WDR88: variants seen among roughly 807,000 people sequenced by gnomAD.
The protein encoded by WDR88 is WD repeat-containing protein 88.
Under a neutral mutation model 46.8 loss-of-function variants are expected in WDR88, and 40 were observed. The observed-to-expected ratio is 0.86, with a 90% CI of 0.66 to 1.11. The LOEUF (loss-of-function observed/expected upper bound fraction) is 1.11, where lower values mean the gene tolerates loss of function less well. Among genes scored for constraint, WDR88 ranks in the 50% most tolerant of loss-of-function variants. WDR88 has a pLI of 0.00. For missense variants in WDR88, 562 were observed against 602.4 expected (o/e 0.93, Z 0.70); for synonymous variants, 235 against 240.7 (o/e 0.98, Z 0.22).
intron 9 of WDR88, among the ~76,000 whole-genome samples, chr19:33,168,601 A>G (rs1028799088): frequency 2.6e-5 from 4 of 152,220 alleles, no homozygotes; most frequent in Admixed American, 2.6e-4. Context: ...GTATTGCTGA[A>G]AGAAATTAAA....
chr19:33,174,058 G>C lies in WDR88; in HGVS notation c.1243-1338G>C. ...TTAGAGACGGGGTTTCACCATGTTG[G>C]CCAGGTTGGTCTCGAACTCCTGAGC... On this transcript the variant is annotated intron_variant, in intron 10 of 10. Coordinates refer to ENST00000355868, the MANE Select transcript of WDR88 (RefSeq NM_173479.4). 2.1e-6 allele frequency: 2 copies of C among 966,578 alleles called. 1 individual carries two copies. The highest frequency in any genetic ancestry group is 3.1e-6 in the Non-Finnish European group (2 of 648,872). 59.9% of individuals were successfully genotyped at this position (966,578 alleles called of 1,614,324 possible). A position where few individuals can be genotyped will look rare whatever the true frequency, so the allele number is the denominator to read the frequency against.
intron 1 of WDR88, among the ~76,000 whole-genome samples, chr19:33,136,648 C>T (rs34370827): frequency 0.13 from 19,142 of 149,936 alleles, 1,333 homozygotes; most frequent in Middle Eastern, 0.21. Flanking sequence ...TTGTAACCTC[C>T]GCCTCCTGGG....
intron 9 of WDR88, among the ~76,000 whole-genome samples, chr19:33,170,029 C>G (rs988844286): frequency 2.6e-5 from 4 of 152,074 alleles, no homozygotes; most frequent in Non-Finnish European, 5.9e-5. Flanking sequence ...AGGCATGCAC[C>G]ACCACGCCTG....
chr19:33,160,058 A>G (rs1000311865), intron 7 of WDR88, among the ~76,000 whole-genome samples: 2 of 152,134 alleles, frequency 1.3e-5, no homozygotes, highest in African/African-American at 4.8e-5. Context: ...CTGATCTGAC[A>G]GGAGGCCGAG....
chr19:33,137,578 G>T (rs779337747), intron 1 of WDR88, 99 bp from the exon 2 acceptor site: 1 of 1,081,748 alleles, frequency 9.2e-7, no homozygotes, highest in African/African-American at 1.6e-5. Context: ...ATTTTTTTCC[G>T]GGTGGTTTAT....
chr19:33,165,862 T>C (rs1000724849), intron 9 of WDR88, among the ~76,000 whole-genome samples: 12 of 145,854 alleles, frequency 8.2e-5, no homozygotes, highest in African/African-American at 3.1e-4. Flanking sequence ...GATCAAGCCA[T>C]GGCCCTCCAG....
At chr19:33,144,183 C>T (rs1973462012) in intron 2 of WDR88, among the ~76,000 whole-genome samples, 4 of 152,118 alleles carry the variant, frequency 2.6e-5, no homozygotes. Context: ...GGGCCTGGAT[C>T]CCACAACCCA....
At position 33,175,556 on chromosome 19, in the gene WDR88, G is replaced by C; in HGVS notation, c.1403G>C (p.Gly468Ala). 6.2e-7 allele frequency: 1 copy of C among 1,614,162 alleles called. No homozygotes were observed. The stretch of plus-strand genomic sequence containing the variant: ...AGGGAGAACTCACCGCCGCCAAGGG[G>C]AAGCAAGGATGACTGACAGCCACAG... ...SERENSPPPR[G>A]SKDD Residue 468 changes from glycine (G) to alanine (A), a missense_variant, in exon 11 of 11, where the codon GGA becomes GCA. Gly to Ala is a moderately conservative substitution (Grantham distance 60, BLOSUM62 0). Coordinates refer to ENST00000355868, the MANE Select transcript of WDR88 (RefSeq NM_173479.4).
intron 8 of WDR88, among the ~76,000 whole-genome samples, 183 bp downstream of exon 8, chr19:33,160,679 C>T (rs895140804): frequency 6.6e-6 from 1 of 152,158 alleles, no homozygotes; most frequent in Non-Finnish European, 1.5e-5. Flanking sequence ...AATGGAGAAA[C>T]CACAACAGGG....
chr19:33,152,006 C>T (rs1019026616), intron 6 of WDR88, among the ~76,000 whole-genome samples: 7 of 151,710 alleles, frequency 4.6e-5, no homozygotes, highest in East Asian at 1.9e-4. Context: ...CCGAGTGGGG[C>T]GGATCACCTG....
Position 33,175,407 on chromosome 19 carries a change from T to C in WDR88, c.1254T>C (p.Cys418=). The stretch of plus-strand genomic sequence containing the variant: ...ATATCCCATGTCAGTGCGAAAGATG[T>C]GACAGGCCTTTCTCCATCTTCAAGA... ...VGLKLKQCER[C]DRPFSIFKSD... is the part of the protein sequence containing the mutation. The change falls in exon 11 of 11, where the codon TGT becomes TGC. Residue 418 remains cysteine, a synonymous_variant. Transcript: ENST00000355868. 6.2e-7 allele frequency: 1 copy of C among 1,614,164 alleles called. No individual in the cohort carries two copies. The highest frequency in any genetic ancestry group is 8.5e-7 in the Non-Finnish European group (1 of 1,180,018).
intron 8 of WDR88, among the ~76,000 whole-genome samples, chr19:33,162,827 A>G (rs542472706): frequency 6.6e-6 from 1 of 151,956 alleles, no homozygotes; most frequent in South Asian, 2.1e-4. Context: ...GGCTGCAGTG[A>G]GCTATGATTG....
intron 9 of WDR88, among the ~76,000 whole-genome samples, chr19:33,170,002 C>G (rs370050575): frequency 1.3e-5 from 2 of 152,060 alleles, no homozygotes; most frequent in Non-Finnish European, 2.9e-5. Flanking sequence ...CTCAGCCTCC[C>G]GAGTAGCTGG....
chr19:33,164,407 A>C, intron 9 of WDR88, 142 bp downstream of exon 9: 1 of 734,088 alleles, frequency 1.4e-6, no homozygotes, highest in Non-Finnish European at 2.4e-6. Context: ...GCTGCCTGGG[A>C]ATGTGGACAG....
In WDR88 at chr19:33,162,717, G is replaced by C. The variant is rs143880972; in HGVS notation, c.1081-1480G>C. ...TCTCCCCCAATCTTGCTAAACACCCGAGTACTATTTTAAAAAACCATACAC... is the reference window on the plus strand; with the variant it reads ...TCTCCCCCAATCTTGCTAAACACCCCAGTACTATTTTAAAAAACCATACAC... On this transcript the variant is annotated intron_variant, in intron 8 of 10. Transcript: ENST00000355868. Among the ~76,000 whole-genome samples the C allele has an allele frequency of 3.0e-4, 45 of 152,050 alleles. No individual in the cohort carries two copies. The East Asian group carries it at 8.5e-3, about 29-fold the overall frequency.
At chr19:33,163,159 C>T (rs1973897165) in intron 8 of WDR88, among the ~76,000 whole-genome samples, 1 of 151,936 alleles carries the variant, frequency 6.6e-6, no homozygotes, top group South Asian at 2.1e-4. Flanking sequence ...CAGTGAAACC[C>T]CGTCTCTACT....
intron 3 of WDR88, among the ~76,000 whole-genome samples, chr19:33,147,166 G>A (rs543971359): frequency 1.3e-5 from 2 of 152,120 alleles, no homozygotes; most frequent in East Asian, 1.9e-4. Flanking sequence ...GAGCCCAGAA[G>A]CTCAAGGTGG....
At chr19:33,136,861 G>A (rs1181469766) in intron 1 of WDR88, among the ~76,000 whole-genome samples, 1 of 152,092 alleles carries the variant, frequency 6.6e-6, no homozygotes, top group Non-Finnish European at 1.5e-5. Context: ...ATAATTGTGA[G>A]CCACCACATC....
intron 2 of WDR88, among the ~76,000 whole-genome samples, chr19:33,142,424 G>A (rs1312261254): frequency 1.3e-5 from 2 of 152,020 alleles, no homozygotes; most frequent in African/African-American, 4.8e-5. Flanking sequence ...TCTGTGGTGC[G>A]GGTGGGGAAC....
Sources: allele counts gnomAD v4.1 joint callset (sites outside exome capture counted in the v4.1 genomes callset), GRCh38; gene constraint gnomAD v4.1.1; transcripts MANE v1.5; gene names NCBI Gene and HGNC (gene_info 2026-07-23, HGNC 2026-07-21).